The following EPB41L4A variants were observed in gnomAD, a reference collection of about 807,000 sequenced individuals.
EPB41L4A encodes the protein band 4.1-like protein 4A.
In EPB41L4A, 100 loss-of-function variants were observed where a neutral mutation model predicts 108.6. The observed-to-expected ratio is 0.92, with a 90% CI of 0.78 to 1.09. The LOEUF (loss-of-function observed/expected upper bound fraction) is 1.09. Among genes scored for constraint, EPB41L4A ranks in the 50% least tolerant of loss-of-function variants. The pLI is 0.00. For missense variants in EPB41L4A, 1,030 were observed against 842.7 expected, an observed-to-expected ratio of 1.22 and a Z score of -2.75; for synonymous variants, 319 against 289.0, an observed-to-expected ratio of 1.10 and a Z score of -1.05.
At chr5:112,221,235 C>T (rs902601962) in intron 12 of EPB41L4A, among the ~76,000 whole-genome samples, 1 of 152,206 alleles carries the variant, frequency 6.6e-6, no homozygotes, top group African/African-American at 2.4e-5. Flanking sequence ...GCATCATGGA[C>T]TGCCTCTAGC....
chr5:112,236,600 G>A (rs914670481), intron 11 of EPB41L4A, among the ~76,000 whole-genome samples: 18 of 152,186 alleles, frequency 1.2e-4, no homozygotes, highest in African/African-American at 3.9e-4. Flanking sequence ...CCCTGCACAT[G>A]TTTGGTGGCT....
At chr5:112,379,567 A>C (rs1398435605) in intron 1 of EPB41L4A, among the ~76,000 whole-genome samples, 1 of 152,186 alleles carries the variant, frequency 6.6e-6, no homozygotes, top group Non-Finnish European at 1.5e-5. Flanking sequence ...TTTGGCCATA[A>C]GGGAGAAAAC....
chr5:112,233,065 C>G (rs573525409), intron 12 of EPB41L4A, among the ~76,000 whole-genome samples: 1 of 151,840 alleles, frequency 6.6e-6, no homozygotes, highest in East Asian at 1.9e-4. Flanking sequence ...CTGAATAACC[C>G]AAATATCCAT....
intron 12 of EPB41L4A, among the ~76,000 whole-genome samples, chr5:112,229,306 C>T (rs1185099763): frequency 6.6e-6 from 1 of 152,186 alleles, no homozygotes. Flanking sequence ...TCAGAAACCA[C>T]ATGGCCTGCA....
At chr5:112,397,600 ACTC>A (rs1561642436) in intron 1 of EPB41L4A, among the ~76,000 whole-genome samples, 1 of 152,216 alleles carries the variant, frequency 6.6e-6, no homozygotes, top group African/African-American at 2.4e-5. Flanking sequence ...ATGAAAAAAT[ACTC>A]AACCTCAACA....
At chr5:112,273,726 CA>C (rs768546481) in intron 4 of EPB41L4A, among the ~76,000 whole-genome samples, 48 of 152,252 alleles carry the variant, frequency 3.2e-4, no homozygotes, top group South Asian at 1.0e-3. Flanking sequence ...GAAGGACTTT[CA>C]TTTTATTTTT....
At chr5:112,316,726 A>T (rs1041937584) in intron 1 of EPB41L4A, among the ~76,000 whole-genome samples, 7 of 152,234 alleles carry the variant, frequency 4.6e-5, no homozygotes, top group African/African-American at 1.7e-4. Context: ...GGCTTAAAGC[A>T]ACAAGTTGCC....
Position 112,179,009 on chromosome 5 carries a change from C to A in EPB41L4A, c.1622+5007G>T, listed in dbSNP as rs573083180. Among the ~76,000 whole-genome samples the A allele has an allele frequency of 1.4e-3, 218 of 151,738 alleles. 1 individual carries two copies. Among genetic ancestry groups the A allele is most frequent in the African/African-American group, 5.1e-3 (212 of 41,454 alleles). On this transcript the variant is annotated intron_variant, in intron 18 of 22. Transcript: ENST00000261486. Reference sequence around the variant, plus strand: ...AAGAGAAAACACAAATCACCAACATCAGGAATTAAAGTGGTGATATCACAA... The same window carrying A: ...AAGAGAAAACACAAATCACCAACATAAGGAATTAAAGTGGTGATATCACAA...
intron 9 of EPB41L4A, among the ~76,000 whole-genome samples, chr5:112,246,749 C>T (rs1326648390): frequency 6.6e-6 from 1 of 152,130 alleles, no homozygotes; most frequent in Non-Finnish European, 1.5e-5. Flanking sequence ...ACAGATTCTC[C>T]ACATTTTTCC....
At chr5:112,258,295 C>T (rs531541888) in intron 9 of EPB41L4A, among the ~76,000 whole-genome samples, 34 of 152,324 alleles carry the variant, frequency 2.2e-4, no homozygotes, top group African/African-American at 8.2e-4. Context: ...AGGCACTCTG[C>T]CAAATACCAT....
Position 112,266,286 on chromosome 5 carries a change from C to G in EPB41L4A, c.380G>C (p.Arg127Pro), listed in dbSNP as rs199808809. Residue 127 changes from arginine to proline, a missense_variant, in exon 5 of 23, where the codon CGT (arginine) becomes CCT (proline). Arg to Pro is a moderately radical substitution (Grantham distance 103). Coordinates refer to ENST00000261486, the MANE Select transcript of EPB41L4A (RefSeq NM_022140.5). Reference sequence around the variant, plus strand: ...AGCAGTGTTGACGGGACAGGGCAGACGGCCCTGAAGGACATCTTGCTTCAC... The same window carrying G: ...AGCAGTGTTGACGGGACAGGGCAGAGGGCCCTGAAGGACATCTTGCTTCAC... The part of the protein sequence containing the change: ...LQVKQDVLQG[R>P]LPCPVNTAAQ... The G allele has an allele frequency of 5.6e-5, 90 of 1,610,088 alleles. No homozygotes were observed. Among genetic ancestry groups the G allele is most frequent in the Non-Finnish European group, 7.1e-5 (84 of 1,178,536 alleles).
chr5:112,384,676 CT>C lies in EPB41L4A; in HGVS notation c.99+34264del, dbSNP rs1450504918. ...CCTGTCAAAATCATGCTTGAAGCTT[CT>C]TTTGAGGAAGAAAGGAAGGAAGGAA... On this transcript the variant is annotated intron_variant, in intron 1 of 22. Coordinates refer to ENST00000261486, the MANE Select transcript of EPB41L4A (RefSeq NM_022140.5). 2.1e-5 allele frequency among the ~76,000 whole-genome samples: 3 copies of C among 144,854 alleles called. No individual in the cohort carries two copies. In the East Asian group the frequency reaches 6.6e-4, roughly 32 times the overall value.
intron 1 of EPB41L4A, among the ~76,000 whole-genome samples, chr5:112,310,285 G>A (rs748171698): frequency 5.9e-5 from 9 of 152,162 alleles, no homozygotes; most frequent in Non-Finnish European, 1.2e-4. Flanking sequence ...CTTATTCCCA[G>A]CCGTCTTGCT....
intron 1 of EPB41L4A, among the ~76,000 whole-genome samples, chr5:112,308,642 G>C (rs1270447125): frequency 6.6e-6 from 1 of 152,094 alleles, no homozygotes; most frequent in African/African-American, 2.4e-5. Context: ...TGAATCTTTA[G>C]GTTACTGGAC....
At chr5:112,285,011 C>T (rs113232886) in intron 2 of EPB41L4A, among the ~76,000 whole-genome samples, 21 of 152,230 alleles carry the variant, frequency 1.4e-4, no homozygotes, top group East Asian at 5.8e-4. Context: ...ATATTAAATT[C>T]GGGGTCCAAC....
At chr5:112,372,466 G>C (rs1236444926) in intron 1 of EPB41L4A, among the ~76,000 whole-genome samples, 1 of 152,190 alleles carries the variant, frequency 6.6e-6, no homozygotes, top group Admixed American at 6.5e-5. Context: ...TAAGCAAACT[G>C]TTACGGAAGG....
intron 1 of EPB41L4A, among the ~76,000 whole-genome samples, chr5:112,414,550 A>G (rs1359925200): frequency 6.6e-6 from 1 of 152,166 alleles, no homozygotes; most frequent in East Asian, 1.9e-4. Context: ...AGTTCAAGAT[A>G]GTTCAAGCTT....
At chr5:112,216,492 A>G (rs979153669) in intron 12 of EPB41L4A, among the ~76,000 whole-genome samples, 1 of 152,218 alleles carries the variant, frequency 6.6e-6, no homozygotes, top group African/African-American at 2.4e-5. Context: ...ACATACAGCT[A>G]AACAAGTAAA....
intron 18 of EPB41L4A, among the ~76,000 whole-genome samples, chr5:112,182,465 T>G (rs956063634): frequency 4.6e-5 from 7 of 152,258 alleles, no homozygotes; most frequent in Admixed American, 6.5e-5. Context: ...GAATGTTTTT[T>G]GACTTCTTCA....
Sources: allele counts gnomAD v4.1 joint callset (sites outside exome capture counted in the v4.1 genomes callset), GRCh38; gene constraint gnomAD v4.1.1; transcripts MANE v1.5; gene names NCBI Gene and HGNC (gene_info 2026-07-23, HGNC 2026-07-21).